Variants in ATXN7L1 observed in about 807,000 individuals in gnomAD.
ATXN7L1 encodes the protein ataxin 7 like 1.
ATXN7L1 carries 15 observed loss-of-function variants against 70.8 expected under a neutral mutation model. That is an observed-to-expected ratio of 0.21 (90% confidence interval 0.14 to 0.33). ATXN7L1 has a LOEUF of 0.33. Among genes scored for constraint, ATXN7L1 ranks in the 10% least tolerant of loss-of-function variants. The pLI is 1.00. For missense variants in ATXN7L1, 975 were observed against 1,097.1 expected (o/e 0.89, Z 1.57); for synonymous variants, 440 against 445.1 (o/e 0.99, Z 0.14).
intron 10 of ATXN7L1, among the ~76,000 whole-genome samples, chr7:105,612,662 C>T (rs766147940): frequency 1.3e-5 from 2 of 152,138 alleles, no homozygotes; most frequent in South Asian, 2.1e-4. Flanking sequence ...GCCCTCAGCT[C>T]GAGCGAGAGG....
chr7:105,728,473 G>A (rs931939097), intron 3 of ATXN7L1, among the ~76,000 whole-genome samples: 4 of 152,164 alleles, frequency 2.6e-5, no homozygotes, highest in African/African-American at 9.7e-5. Context: ...ATTGGTTAGA[G>A]TATGAACTCA....
chr7:105,772,063 ATTTTTTTTTT>A (rs533366742), intron 3 of ATXN7L1, among the ~76,000 whole-genome samples: 10 of 99,788 alleles, frequency 1.0e-4, no homozygotes, highest in Non-Finnish European at 1.5e-4. Flanking sequence ...TCAGATTGGA[ATTTTTTTTTT>A]TTTTTTTTTT....
At chr7:105,868,523 C>T (rs1261531872) in intron 2 of ATXN7L1, among the ~76,000 whole-genome samples, 2 of 152,196 alleles carry the variant, frequency 1.3e-5, no homozygotes, top group Non-Finnish European at 2.9e-5. Context: ...CATGAACTGA[C>T]ATGGACAGCT....
chr7:105,738,191 C>A (rs1013883171), intron 3 of ATXN7L1, among the ~76,000 whole-genome samples: 4 of 152,216 alleles, frequency 2.6e-5, no homozygotes, highest in African/African-American at 9.7e-5. Flanking sequence ...TCAACTCTTT[C>A]GTGTGGCCTT....
At chr7:105,645,385 G>C (rs1451670632) in intron 4 of ATXN7L1, among the ~76,000 whole-genome samples, 1 of 152,154 alleles carries the variant, frequency 6.6e-6, no homozygotes, top group Non-Finnish European at 1.5e-5. Context: ...TCAGAGGCTG[G>C]GCTCAGTGGC....
In ATXN7L1 at chr7:105,775,100, A is replaced by G. The variant is rs543117158; in HGVS notation, c.355+13504T>C. On this transcript the variant is annotated intron_variant, in intron 3 of 11. Coordinates refer to ENST00000419735, the MANE Select transcript of ATXN7L1 (RefSeq NM_020725.2). The stretch of plus-strand genomic sequence containing the variant: ...ACTCTTTCATCCTTTATGCCCCCCA[A>G]TTTATGTTTTGCCCTAGACCTATCT... 6.6e-5 allele frequency among the ~76,000 whole-genome samples: 10 copies of G among 152,274 alleles called. No individual in the cohort carries two copies. In the South Asian group the frequency reaches 1.9e-3, roughly 28 times the overall value.
intron 3 of ATXN7L1, among the ~76,000 whole-genome samples, chr7:105,685,386 C>T (rs1009658156): frequency 6.6e-5 from 10 of 152,208 alleles, no homozygotes; most frequent in African/African-American, 2.4e-4. Context: ...TTTCCATTGG[C>T]AGAGACCTCC....
At chr7:105,719,523 T>C (rs576214813) in intron 3 of ATXN7L1, among the ~76,000 whole-genome samples, 1 of 152,304 alleles carries the variant, frequency 6.6e-6, no homozygotes, top group East Asian at 1.9e-4. Flanking sequence ...TGAGATTCCC[T>C]AGCCCCCTGC....
intron 2 of ATXN7L1, among the ~76,000 whole-genome samples, chr7:105,828,191 T>C (rs1300345445): frequency 6.6e-6 from 1 of 152,166 alleles, no homozygotes; most frequent in Non-Finnish European, 1.5e-5. Context: ...CCTTGCCATA[T>C]TGCTTCCTTG....
intron 2 of ATXN7L1, among the ~76,000 whole-genome samples, chr7:105,797,415 A>C (rs1017294825): frequency 3.9e-5 from 6 of 152,234 alleles, no homozygotes; most frequent in African/African-American, 1.4e-4. Flanking sequence ...GGACCTTTAA[A>C]GACCAGCATT....
chr7:105,856,843 G>T (rs571036671), intron 2 of ATXN7L1, among the ~76,000 whole-genome samples: 4 of 151,610 alleles, frequency 2.6e-5, no homozygotes, highest in Non-Finnish European at 5.9e-5. Flanking sequence ...GAGAGAGAGA[G>T]AAAATAACTC....
chr7:105,671,215 G>A (rs1215614718), intron 3 of ATXN7L1, among the ~76,000 whole-genome samples: 4 of 151,002 alleles, frequency 2.6e-5, no homozygotes, highest in African/African-American at 4.9e-5. Flanking sequence ...CCCGGGAGGC[G>A]GAGGTTGCAG....
intron 2 of ATXN7L1, among the ~76,000 whole-genome samples, chr7:105,790,647 T>TATC (rs61513951): frequency 0.04 from 5,138 of 128,460 alleles, 111 homozygotes; most frequent in East Asian, 0.067. Flanking sequence ...TCTATCTATC[T>TATC]ATCTATCATC....
intron 3 of ATXN7L1, among the ~76,000 whole-genome samples, chr7:105,669,873 C>T (rs1441690130): frequency 2.0e-5 from 3 of 146,418 alleles, no homozygotes; most frequent in South Asian, 2.1e-4. Flanking sequence ...GAGCCGAGAT[C>T]GAACCATTGC....
intron 3 of ATXN7L1, among the ~76,000 whole-genome samples, chr7:105,771,197 C>T (rs1016447161): frequency 3.8e-5 from 3 of 79,820 alleles, no homozygotes; most frequent in Non-Finnish European, 7.4e-5. Flanking sequence ...AAGACTCCGT[C>T]TCTGATAATA....
At chr7:105,843,447 G>A (rs1048808418) in intron 2 of ATXN7L1, among the ~76,000 whole-genome samples, 50 of 152,370 alleles carry the variant, frequency 3.3e-4, no homozygotes, top group Admixed American at 3.1e-3. Flanking sequence ...CTAAGTGAGC[G>A]GATGGCCCCA....
chr7:105,729,128 G>T (rs1035699143), intron 3 of ATXN7L1, among the ~76,000 whole-genome samples: 1 of 151,854 alleles, frequency 6.6e-6, no homozygotes. Flanking sequence ...ATAATTAGCT[G>T]GGCATGGTAG....
chr7:105,847,744 T>A lies in ATXN7L1; in HGVS notation c.250+28068A>T, dbSNP rs1456585484. Among the ~76,000 whole-genome samples the A allele has an allele frequency of 2.0e-5, 3 of 152,240 alleles. No individual in the cohort carries two copies. In the East Asian group the frequency reaches 5.8e-4, roughly 29 times the overall value. ...GTTTACTCGGCTCTTTGCAGGGTGA[T>A]AAGACTGAAAGGCTAATATATATGA... On this transcript the variant is annotated intron_variant, in intron 2 of 11. Coordinates refer to ENST00000419735, the MANE Select transcript of ATXN7L1 (RefSeq NM_020725.2).
chr7:105,819,822 C>G lies in ATXN7L1; in HGVS notation c.251-31114G>C, dbSNP rs933591599. 4 of 634,066 alleles carry G rather than the reference C, an allele frequency of 6.3e-6. No homozygotes were observed. In the East Asian group the frequency reaches 1.5e-4, roughly 24 times the overall value. The allele number at this position is 634,066 out of a possible 1,614,324, so 39.3% of individuals were successfully genotyped here. A position where few individuals can be genotyped will look rare whatever the true frequency, so the allele number is the denominator to read the frequency against. On this transcript the variant is annotated intron_variant, in intron 2 of 11. Transcript: ENST00000419735. ...AGGTGTTTGACGGCATCCCACCGCC[C>G]TATGACATGAAAAAGCGGATGGTGG...
Sources: allele counts gnomAD v4.1 joint callset (sites outside exome capture counted in the v4.1 genomes callset), GRCh38; gene constraint gnomAD v4.1.1; transcripts MANE v1.5; gene names NCBI Gene and HGNC (gene_info 2026-07-23, HGNC 2026-07-21).